EFTUD2: variants seen among roughly 807,000 people sequenced by gnomAD.
EFTUD2 encodes the protein elongation factor Tu GTP binding domain containing 2.
In EFTUD2, 9 loss-of-function variants were observed where a neutral mutation model predicts 114.3. The ratio of observed to expected loss-of-function variants is 0.08; its 90% CI spans 0.05 to 0.14. EFTUD2 has a LOEUF of 0.14. Ranked by LOEUF, EFTUD2 falls within the 10% of genes least tolerant of loss-of-function variation. The probability of loss-of-function intolerance (pLI) is 1.00; values close to 1 mark genes in which losing one functional copy is unlikely to be tolerated. For missense variants in EFTUD2, 765 were observed against 1,241.2 expected, an observed-to-expected ratio of 0.62 and a Z score of 5.76; for synonymous variants, 449 against 462.3, an observed-to-expected ratio of 0.97 and a Z score of 0.37.
In EFTUD2 at chr17:44,880,377, T is replaced by C. The variant is rs139789850; in HGVS notation, c.619+177A>G. On this transcript the variant is annotated intron_variant, in intron 8 of 27. Transcript: ENST00000426333. The stretch of plus-strand genomic sequence containing the variant: ...CATGAATAGAAGGCCTGGAGTATGA[T>C]GCTTGCTAAATTAACAAGTCAGAAA... 6.0e-4 allele frequency: 320 copies of C among 529,792 alleles called. 3 individuals are homozygous for C. The highest frequency in any genetic ancestry group is 5.0e-3 in the East Asian group (154 of 30,722). The allele number at this position is 529,792 out of a possible 1,614,324, so 32.8% of individuals were successfully genotyped here.
chr17:44,865,177 T>C (rs1746691690), intron 13 of EFTUD2, 112 bp from the exon 14 acceptor site: 3 of 1,433,452 alleles, frequency 2.1e-6, no homozygotes, highest in Non-Finnish European at 2.8e-6. Context: ...CAAGGCTCTC[T>C]TCTATGGAGA....
intron 13 of EFTUD2, chr17:44,865,348 A>G: frequency 3.0e-6 from 1 of 329,064 alleles, no homozygotes. Context: ...TCTGAAAAGC[A>G]GCATCTCCTC....
At position 44,859,892 on chromosome 17, in the gene EFTUD2, G is replaced by A. The variant is rs373346563; in HGVS notation, c.1860+13C>T. On this transcript the variant is annotated intron_variant, in intron 18 of 27. Transcript: ENST00000426333. ...TAGTGGGGCTTGGCGGCTGCTGCAGGCCATGGGCATACCTTGGTGGTGAGG... is the reference window on the plus strand; with the variant it reads ...TAGTGGGGCTTGGCGGCTGCTGCAGACCATGGGCATACCTTGGTGGTGAGG... The A allele has an allele frequency of 1.2e-5, 19 of 1,613,970 alleles. No individual in the cohort carries two copies. In the African/African-American group the frequency reaches 2.1e-4, roughly 18 times the overall value.
At chr17:44,885,873 C>G (rs1055992824) in intron 3 of EFTUD2, among the ~76,000 whole-genome samples, 26 of 152,076 alleles carry the variant, frequency 1.7e-4, no homozygotes, top group Non-Finnish European at 1.3e-4. Context: ...AAGCGATCCT[C>G]CTGCTCTGGC....
chr17:44,870,883 T>C (rs993049737), intron 11 of EFTUD2, among the ~76,000 whole-genome samples: 1 of 151,930 alleles, frequency 6.6e-6, no homozygotes, highest in Non-Finnish European at 1.5e-5. Flanking sequence ...CTGGGCATGG[T>C]GGCATGTACC....
rs2050418155 is a variant in EFTUD2 at position 44,850,265 on chromosome 17, G to A, written c.*1009C>T. 3.8e-6 allele frequency: 5 copies of A among 1,315,280 alleles called. No homozygotes were observed. Among genetic ancestry groups the A allele is most frequent in the African/African-American group, 1.4e-5 (1 of 70,174 alleles). 81.5% of individuals were successfully genotyped at this position (1,315,280 alleles called of 1,614,324 possible). ...GCAGCTAGAGGTGAACCCCTAGGACGCCTGAGAGCCAGAGGACGGGTGAAG... is the reference window on the plus strand; with the variant it reads ...GCAGCTAGAGGTGAACCCCTAGGACACCTGAGAGCCAGAGGACGGGTGAAG... On this transcript the variant is annotated 3_prime_UTR_variant, in exon 28 of 28. Transcript: ENST00000426333.
chr17:44,870,505 G>A (rs1202771673), intron 11 of EFTUD2, among the ~76,000 whole-genome samples: 2 of 152,216 alleles, frequency 1.3e-5, no homozygotes, highest in Admixed American at 1.3e-4. Flanking sequence ...GAATAACATG[G>A]TTTGAATGTC....
At chr17:44,885,482 T>C (rs912153494) in intron 3 of EFTUD2, 148 bp from the exon 4 acceptor site, 1 of 649,900 alleles carries the variant, frequency 1.5e-6, no homozygotes, top group Admixed American at 2.7e-5. Context: ...GTTGAGAAAG[T>C]TTTGGAAATG....
At chr17:44,879,238 A>T (rs554595290) in intron 9 of EFTUD2, among the ~76,000 whole-genome samples, 77 of 152,182 alleles carry the variant, frequency 5.1e-4, no homozygotes, top group African/African-American at 1.8e-3. Context: ...GGCATGGGTC[A>T]CCACACCTGG....
chr17:44,851,568 G>T, intron 27 of EFTUD2, 142 bp downstream of exon 27: 1 of 962,676 alleles, frequency 1.0e-6, no homozygotes, highest in Non-Finnish European at 1.5e-6. Flanking sequence ...GCCCAGGTTT[G>T]GTTGCCTAAG....
At chr17:44,868,533 C>T in intron 11 of EFTUD2, 183 bp from the exon 12 acceptor site, 1 of 571,648 alleles carries the variant, frequency 1.7e-6, no homozygotes, top group East Asian at 3.0e-5. Context: ...CAAGACTGGT[C>T]CAAAGTTGAC....
chr17:44,895,266 C>G (rs1197087245), intron 1 of EFTUD2, among the ~76,000 whole-genome samples: 2 of 152,252 alleles, frequency 1.3e-5, no homozygotes, highest in African/African-American at 4.8e-5. Flanking sequence ...GAGGCCAAGG[C>G]AGGCAGATGA....
At chr17:44,879,826 G>A (rs911636940) in intron 8 of EFTUD2, among the ~76,000 whole-genome samples, 188 bp from the exon 9 acceptor site, 2 of 151,978 alleles carry the variant, frequency 1.3e-5, no homozygotes, top group East Asian at 3.9e-4. Context: ...GCTTTCCTAC[G>A]GGAGGCTCCC....
chr17:44,862,609 A>C, intron 16 of EFTUD2, 104 bp downstream of exon 16: 1 of 1,142,926 alleles, frequency 8.7e-7, no homozygotes, highest in South Asian at 1.6e-5. Context: ...CCTCTTGCAC[A>C]GAGCCTTGCA....
At chr17:44,898,821 T>C (rs1003426284) in intron 1 of EFTUD2, among the ~76,000 whole-genome samples, 12 of 149,016 alleles carry the variant, frequency 8.1e-5, no homozygotes, top group Non-Finnish European at 1.6e-4. Flanking sequence ...CCAACTACAA[T>C]TGAAGCAAAG....
At chr17:44,893,215 C>T (rs113807637) in intron 2 of EFTUD2, among the ~76,000 whole-genome samples, 287 of 152,114 alleles carry the variant, frequency 1.9e-3, no homozygotes, top group African/African-American at 6.2e-3. Flanking sequence ...CTCCGCCTCC[C>T]GTGTTCAAGT....
intron 14 of EFTUD2, 127 bp from the exon 15 acceptor site, chr17:44,863,909 T>C (rs1334087753): frequency 7.7e-7 from 1 of 1,298,996 alleles, no homozygotes; most frequent in Non-Finnish European, 1.0e-6. Context: ...CTAAAAGCTC[T>C]GGCACTATAG....
intron 15 of EFTUD2, 62 bp from the exon 16 acceptor site, chr17:44,862,968 C>T: frequency 5.0e-6 from 7 of 1,410,788 alleles, no homozygotes; most frequent in Middle Eastern, 1.8e-4. Flanking sequence ...TACTACTCCC[C>T]GCCATCTTCC....
chr17:44,873,128 T>C (rs1401457929), intron 10 of EFTUD2: 2 of 152,634 alleles, frequency 1.3e-5, no homozygotes, highest in Non-Finnish European at 2.9e-5. Context: ...AAACGAGTTG[T>C]ACAAGGGGAT....
Sources: gnomAD v4.1 joint callset for allele counts (sites outside exome capture counted in the v4.1 genomes callset) on GRCh38, gnomAD v4.1.1 for gene constraint, MANE v1.5 for transcripts, NCBI Gene and HGNC (gene_info 2026-07-23, HGNC 2026-07-21) for gene names.